The following DSCAML1 variants were observed in gnomAD, a reference collection of about 807,000 sequenced individuals.
The protein encoded by DSCAML1 is cell adhesion molecule DSCAML1.
Under a neutral mutation model 200.5 loss-of-function variants are expected in DSCAML1, and 38 were observed. The observed-to-expected ratio is 0.19, with a 90% confidence interval of 0.15 to 0.25. DSCAML1 has a LOEUF of 0.25. Ranked by LOEUF, DSCAML1 falls within the 10% of genes least tolerant of loss-of-function variation. The pLI is 1.00. For missense variants in DSCAML1, 2,223 were observed against 2,858.8 expected, an observed-to-expected ratio of 0.78 and a Z score of 5.07; for synonymous variants, 1,215 against 1,165.0, an observed-to-expected ratio of 1.04 and a Z score of -0.87.
At chr11:117,738,624 G>A (rs2054365952) in intron 3 of DSCAML1, among the ~76,000 whole-genome samples, 1 of 152,134 alleles carries the variant, frequency 6.6e-6, no homozygotes, top group African/African-American at 2.4e-5. Context: ...GGGTCTCCAG[G>A]CTCAAAGCTT....
chr11:117,630,905 C>A (rs2052159771), intron 3 of DSCAML1, among the ~76,000 whole-genome samples: 1 of 152,104 alleles, frequency 6.6e-6, no homozygotes, highest in Non-Finnish European at 1.5e-5. Context: ...ACTCTCTGTG[C>A]CTTCGTTTCC....
intron 18 of DSCAML1, among the ~76,000 whole-genome samples, 195 bp downstream of exon 18, chr11:117,461,255 C>T (rs185306929): frequency 9.2e-4 from 140 of 151,962 alleles, no homozygotes; most frequent in African/African-American, 3.2e-3. Flanking sequence ...AAGTGAATCC[C>T]GAGCCCCTTC....
intron 16 of DSCAML1, among the ~76,000 whole-genome samples, chr11:117,465,450 A>G (rs1266188352): frequency 6.6e-6 from 1 of 150,624 alleles, no homozygotes; most frequent in East Asian, 1.9e-4. Context: ...CAGGGGAAAC[A>G]CTCCTCCCCT....
Position 117,776,439 on chromosome 11 carries a change from C to T in DSCAML1, c.511+352G>A, listed in dbSNP as rs545154678. On this transcript the variant is annotated intron_variant, in intron 3 of 32. Coordinates refer to ENST00000651296, the MANE Select transcript of DSCAML1 (RefSeq NM_020693.4). ...CATTCCTCCTCCCCTTGCCACCTTT[C>T]GCAGGTAAGGTGCTTCCAGCCTTGC... 5.3e-5 allele frequency among the ~76,000 whole-genome samples: 8 copies of T among 152,156 alleles called. No individual in the cohort carries two copies. In the East Asian group the frequency reaches 5.8e-4, roughly 11 times the overall value.
chr11:117,504,560 C>T lies in DSCAML1; in HGVS notation c.2182+364G>A, dbSNP rs937059184. Among the ~76,000 whole-genome samples the T allele has an allele frequency of 2.6e-5, 4 of 152,080 alleles. No homozygotes were observed. Among genetic ancestry groups the T allele is most frequent in the Non-Finnish European group, 4.4e-5 (3 of 68,012 alleles). ...ATTGGGCTCCAAGAAGGACCCTGAC[C>T]CCAGAAAAGGTTGACTGGTGAGAAG... On this transcript the variant is annotated intron_variant, in intron 10 of 32. Transcript: ENST00000651296. This position sits in a 1 kb window ranked among gnomAD's most constrained non-coding sequence, Gnocchi z 5.0.
At chr11:117,625,172 G>A (rs1231342856) in intron 3 of DSCAML1, among the ~76,000 whole-genome samples, 1 of 151,926 alleles carries the variant, frequency 6.6e-6, no homozygotes, top group Non-Finnish European at 1.5e-5. Flanking sequence ...ATTCTCTGTG[G>A]GGGCCTCATG....
rs139052279 is a variant in DSCAML1, at chr11:117,494,568, G to A, written c.2359+9277C>T. On this transcript the variant is annotated intron_variant, in intron 11 of 32. Transcript: ENST00000651296. ...ATGGAGTTGTCAATAACAGATCACCGGCTGGGCATGGGATTGTTGTGGGTT... is the reference window on the plus strand; with the variant it reads ...ATGGAGTTGTCAATAACAGATCACCAGCTGGGCATGGGATTGTTGTGGGTT... Among the ~76,000 whole-genome samples the A allele has an allele frequency of 2.5e-3, 375 of 152,310 alleles. 2 individuals carry two copies. The highest frequency in any genetic ancestry group is 4.2e-3 in the Admixed American group (64 of 15,290).
At chr11:117,433,095 G>C (rs377587691) in intron 29 of DSCAML1, 43 bp downstream of exon 29, 308 of 1,554,974 alleles carry the variant, frequency 2.0e-4, no homozygotes, top group Non-Finnish European at 2.7e-4. Context: ...GCCTGGGGAA[G>C]CACACCCAGC....
rs529663106 is a variant in DSCAML1, at chr11:117,601,515, C to T, written c.512-68993G>A. Among the ~76,000 whole-genome samples the T allele has an allele frequency of 1.7e-4, 26 of 152,302 alleles. No individual in the cohort carries two copies. In the South Asian group the frequency reaches 4.4e-3, roughly 26 times the overall value. ...AGAAACACTACGCCATCCAAAACAC[C>T]GTCCTGTATTTGCCAGGATCTGAAA... On this transcript the variant is annotated intron_variant, in intron 3 of 32. Coordinates refer to ENST00000651296, the MANE Select transcript of DSCAML1 (RefSeq NM_020693.4).
rs76117313 is a variant in DSCAML1, at chr11:117,747,141, T to C, written c.511+29650A>G. On this transcript the variant is annotated intron_variant, in intron 3 of 32. Transcript: ENST00000651296. The stretch of plus-strand genomic sequence containing the variant: ...CGCCCTCTCCCTCCCTTGCCCTTCC[T>C]GAGTCTTCACCACCCCAGCCTTTAT... Among the ~76,000 whole-genome samples the C allele has an allele frequency of 8.5e-5, 13 of 152,326 alleles. No homozygotes were observed. The East Asian group carries it at 1.3e-3, about 16-fold the overall frequency.
chr11:117,675,315 C>T (rs2053188810), intron 3 of DSCAML1, among the ~76,000 whole-genome samples: 1 of 152,014 alleles, frequency 6.6e-6, no homozygotes, highest in South Asian at 2.1e-4. Context: ...TCCAAGCCTG[C>T]CAGCCAGGAT....
At chr11:117,806,608 A>G (rs1027808406) in intron 1 of DSCAML1, among the ~76,000 whole-genome samples, 14 of 152,224 alleles carry the variant, frequency 9.2e-5, no homozygotes, top group African/African-American at 3.4e-4. Flanking sequence ...ACCCTATAAG[A>G]CTGGTATGAT....
intron 3 of DSCAML1, among the ~76,000 whole-genome samples, chr11:117,629,601 G>A (rs1460801178): frequency 1.3e-5 from 2 of 151,784 alleles, no homozygotes; most frequent in Non-Finnish European, 2.9e-5. Flanking sequence ...CCACACAACG[G>A]GAGAGATGGA....
At chr11:117,667,934 A>G (rs987642390) in intron 3 of DSCAML1, among the ~76,000 whole-genome samples, 2 of 152,204 alleles carry the variant, frequency 1.3e-5, no homozygotes, top group Non-Finnish European at 2.9e-5. Context: ...CAGATGATCT[A>G]CTACTGCTCA....
In DSCAML1 at chr11:117,810,423, C is replaced by A. The variant is rs193190693; in HGVS notation, c.-250+6967G>T. ...CAATCCCTTATTTCCGCACCCCGAC[C>A]TCTTATCTCTGTGCCCCAATCCCTT... On this transcript the variant is annotated intron_variant, in intron 1 of 2. Coordinates refer to the DSCAML1 transcript ENST00000525836. Among the ~76,000 whole-genome samples the A allele has an allele frequency of 9.2e-5, 14 of 152,224 alleles. No homozygotes were observed. The East Asian group carries it at 2.5e-3, about 27-fold the overall frequency.
chr11:117,732,688 T>C (rs1326588273), intron 3 of DSCAML1, among the ~76,000 whole-genome samples: 1 of 152,198 alleles, frequency 6.6e-6, no homozygotes, highest in Non-Finnish European at 1.5e-5. Flanking sequence ...TGCAGAGGGA[T>C]AGCTGGGCCT....
At chr11:117,547,628 T>G (rs2050399922) in intron 3 of DSCAML1, among the ~76,000 whole-genome samples, 1 of 152,154 alleles carries the variant, frequency 6.6e-6, no homozygotes, top group South Asian at 2.1e-4. Flanking sequence ...CTGCTCAACC[T>G]TCCCTCCCCC....
intron 3 of DSCAML1, among the ~76,000 whole-genome samples, chr11:117,636,319 A>G (rs2052282098): frequency 1.3e-5 from 2 of 152,206 alleles, no homozygotes; most frequent in South Asian, 2.1e-4. Context: ...AAGTTTCATT[A>G]TCATATTTTA....
rs117561193 is a variant in DSCAML1, at chr11:117,778,610, C to T, written c.365-1673G>A. 2.5e-3 allele frequency among the ~76,000 whole-genome samples: 377 copies of T among 152,344 alleles called. 1 individual carries two copies. Among genetic ancestry groups the T allele is most frequent in the Non-Finnish European group, 4.8e-3 (329 of 68,040 alleles). ...ACTTTTCATGATAGCTGCACCTCTG[C>T]GATTAACTGGCTATGTGCCCTTGGG... On this transcript the variant is annotated intron_variant, in intron 2 of 32. Transcript: ENST00000651296.
Sources: allele counts gnomAD v4.1 joint callset (sites outside exome capture counted in the v4.1 genomes callset), GRCh38; gene constraint gnomAD v4.1.1; non-coding constraint Gnocchi (gnomAD v3.1); transcripts MANE v1.5; gene names NCBI Gene and HGNC (gene_info 2026-07-23, HGNC 2026-07-21).